The following ADAMTSL3 variants were observed in gnomAD, a reference collection of about 807,000 sequenced individuals.
The protein encoded by ADAMTSL3 is ADAMTS-like protein 3.
A neutral mutation model predicts 201.7 loss-of-function variants in ADAMTSL3; 128 were observed. The observed-to-expected ratio is 0.63, with a 90% CI of 0.55 to 0.73. The LOEUF is 0.73. Ranked by LOEUF, ADAMTSL3 falls within the 30% of genes least tolerant of loss-of-function variation. ADAMTSL3 has a pLI of 0.00. For missense variants in ADAMTSL3, 1,990 were observed against 2,119.6 expected (o/e 0.94, Z 1.20); for synonymous variants, 738 against 748.4 (o/e 0.99, Z 0.23).
chr15:84,025,636 C>G (rs561887609), intron 27 of ADAMTSL3, 200 bp downstream of exon 27: 7 of 536,642 alleles, frequency 1.3e-5, no homozygotes, highest in African/African-American at 1.1e-4. Flanking sequence ...AAAAGTGAAC[C>G]AAGTTTGGGT....
chr15:84,025,852 T>TA (rs896616260), intron 27 of ADAMTSL3, among the ~76,000 whole-genome samples: 2 of 152,162 alleles, frequency 1.3e-5, no homozygotes, highest in African/African-American at 4.8e-5. Context: ...AACCCATAAA[T>TA]AAAAATATAA....
chr15:83,871,977 C>A (rs58316347), intron 9 of ADAMTSL3, among the ~76,000 whole-genome samples: 19,020 of 152,108 alleles, frequency 0.13, 1,322 homozygotes, highest in East Asian at 0.34. Flanking sequence ...ACTGAGACAT[C>A]AGTTGTGTCA....
At chr15:83,833,408 A>G (rs2064196684) in intron 6 of ADAMTSL3, among the ~76,000 whole-genome samples, 5 of 152,054 alleles carry the variant, frequency 3.3e-5, no homozygotes, top group Admixed American at 2.6e-4. Context: ...TTATAAGGGT[A>G]CTAATCCTAT....
intron 7 of ADAMTSL3, 72 bp downstream of exon 7, chr15:83,838,287 A>T: frequency 6.6e-7 from 1 of 1,513,000 alleles, no homozygotes; most frequent in Middle Eastern, 1.7e-4. Context: ...CTAGAATAAC[A>T]TTTTCTGAAT....
intron 4 of ADAMTSL3, among the ~76,000 whole-genome samples, chr15:83,784,456 T>A (rs2063227374): frequency 6.6e-6 from 1 of 152,210 alleles, no homozygotes; most frequent in Non-Finnish European, 1.5e-5. Flanking sequence ...ACCTAAAGTT[T>A]CTGCCTTGTG....
chr15:83,915,114 A>T (rs149888298), intron 16 of ADAMTSL3, among the ~76,000 whole-genome samples: 1 of 152,194 alleles, frequency 6.6e-6, no homozygotes, highest in South Asian at 2.1e-4. Context: ...CTGCAGTCTC[A>T]CTAGAGACTT....
At chr15:83,988,886 T>A (rs1297106496) in intron 22 of ADAMTSL3, 68 bp downstream of exon 22, 2 of 995,588 alleles carry the variant, frequency 2.0e-6, no homozygotes, top group East Asian at 5.2e-5. Flanking sequence ...TTTATTTATT[T>A]ATTTTTTTTT....
intron 8 of ADAMTSL3, among the ~76,000 whole-genome samples, chr15:83,864,337 T>C (rs973397176): frequency 1.3e-5 from 2 of 152,204 alleles, no homozygotes; most frequent in Non-Finnish European, 2.9e-5. Flanking sequence ...CCAATATCCC[T>C]GATGAACATC....
Position 83,719,604 on chromosome 15 carries a change from T to C in ADAMTSL3, c.189+15096T>C, listed in dbSNP as rs534729188. 9.8e-5 allele frequency among the ~76,000 whole-genome samples: 15 copies of C among 152,304 alleles called. No individual in the cohort carries two copies. In the South Asian group the frequency reaches 2.9e-3, roughly 29 times the overall value. On this transcript the variant is annotated intron_variant, in intron 3 of 29. Transcript: ENST00000286744. ...TTTACTGATTAAATGATGTTTTGTATAGTGGGAGTGGGTGAGTAGTAGAAT... is the reference window on the plus strand; with the variant it reads ...TTTACTGATTAAATGATGTTTTGTACAGTGGGAGTGGGTGAGTAGTAGAAT...
At chr15:83,822,521 T>G (rs200771002) in intron 6 of ADAMTSL3, among the ~76,000 whole-genome samples, 38 of 101,538 alleles carry the variant, frequency 3.7e-4, no homozygotes, top group Middle Eastern at 8.1e-3. Context: ...CAGACGGGGT[T>G]GCGGCCGGGT....
At chr15:83,913,069 G>A (rs2065961412) in intron 15 of ADAMTSL3, 23 bp from the exon 16 acceptor site, 1 of 1,608,044 alleles carries the variant, frequency 6.2e-7, no homozygotes, top group African/African-American at 1.3e-5. Flanking sequence ...GTCCTTTTCT[G>A]GTGGCTTCCT....
Position 83,956,703 on chromosome 15 carries a change from A to C in ADAMTSL3, c.2490+13621A>C, listed in dbSNP as rs1025918935. On this transcript the variant is annotated intron_variant, in intron 19 of 29. Transcript: ENST00000286744. Reference sequence around the variant, plus strand: ...GGCACACACACACACACACACACATAACCTGAATACACTTTATTTTCCTGA... The same window carrying C: ...GGCACACACACACACACACACACATCACCTGAATACACTTTATTTTCCTGA... Among the ~76,000 whole-genome samples the C allele has an allele frequency of 5.9e-5, 9 of 151,940 alleles. No homozygotes were observed. The South Asian group carries it at 8.3e-4, about 14-fold the overall frequency.
intron 20 of ADAMTSL3, among the ~76,000 whole-genome samples, chr15:83,971,155 C>A (rs1480357531): frequency 1.3e-5 from 2 of 152,148 alleles, no homozygotes; most frequent in Non-Finnish European, 2.9e-5. Flanking sequence ...ATAAAGAGTT[C>A]ATATTATGGC....
intron 3 of ADAMTSL3, among the ~76,000 whole-genome samples, chr15:83,724,874 G>A (rs1195545038): frequency 6.6e-6 from 1 of 152,062 alleles, no homozygotes; most frequent in African/African-American, 2.4e-5. Flanking sequence ...CATTGCAAAT[G>A]ACAGAATCTC....
intron 20 of ADAMTSL3, among the ~76,000 whole-genome samples, chr15:83,976,499 T>C (rs545930723): frequency 1.3e-5 from 2 of 152,146 alleles, no homozygotes; most frequent in Non-Finnish European, 2.9e-5. Context: ...TTGTAATGTG[T>C]AATGGAATAG....
intron 23 of ADAMTSL3, among the ~76,000 whole-genome samples, chr15:83,994,587 T>A (rs1161169932): frequency 5.5e-3 from 9 of 1,644 alleles, no homozygotes; most frequent in Non-Finnish European, 8.9e-3. Context: ...TGTTTTTTCG[T>A]TTTTTTTTTT....
In ADAMTSL3 at chr15:83,942,904, G is replaced by A; in HGVS notation, c.2312G>A (p.Cys771Tyr). The change falls in exon 19 of 30, where the codon TGT becomes TAT. Residue 771 changes from cysteine (C) to tyrosine (Y), a missense_variant and splice_region_variant. Cys to Tyr is a radical substitution (Grantham distance 194). Transcript: ENST00000286744. ...PGWHIEEWQQ[C>Y]SRTCGGGTQN... ...CCTCACCCCCTCTTGTCTTCTTAGT[G>A]TTCCAGGACTTGTGGCGGGGGAACT... 6.2e-7 allele frequency: 1 copy of A among 1,611,748 alleles called. No homozygotes were observed. Among genetic ancestry groups the A allele is most frequent in the Non-Finnish European group, 8.5e-7 (1 of 1,178,876 alleles).
At chr15:83,985,948 G>A (rs2067466980) in intron 21 of ADAMTSL3, among the ~76,000 whole-genome samples, 1 of 152,082 alleles carries the variant, frequency 6.6e-6, no homozygotes, top group African/African-American at 2.4e-5. Context: ...CATTCTTAAG[G>A]GAAACTGGCA....
intron 6 of ADAMTSL3, chr15:83,824,975 T>C (rs1223103953): frequency 6.6e-6 from 1 of 152,242 alleles, no homozygotes; most frequent in Non-Finnish European, 1.5e-5. Context: ...AATTTTAGAA[T>C]ATGTGCTGCC....
Sources: allele counts gnomAD v4.1 joint callset (sites outside exome capture counted in the v4.1 genomes callset), GRCh38; gene constraint gnomAD v4.1.1; transcripts MANE v1.5; gene names NCBI Gene and HGNC (gene_info 2026-07-23, HGNC 2026-07-21).